Variants in LRGUK observed in about 807,000 individuals in gnomAD.
LRGUK encodes the protein leucine-rich repeat and guanylate kinase domain-containing protein.
In LRGUK, 65 loss-of-function variants were observed where a neutral mutation model predicts 76.0. That is an observed-to-expected ratio of 0.85 (90% CI 0.70 to 1.05). The LOEUF is 1.05. Among genes scored for constraint, LRGUK ranks in the 50% least tolerant of loss-of-function variants. The pLI is 0.00. For missense variants in LRGUK, 758 were observed against 732.8 expected, an observed-to-expected ratio of 1.03 and a Z score of -0.40; for synonymous variants, 268 against 265.6, an observed-to-expected ratio of 1.01 and a Z score of -0.09.
At chr7:134,183,782 T>C (rs1327169343) in exon 11 of LRGUK, 6 of 1,614,096 alleles carry the variant, frequency 3.7e-6, no homozygotes, top group Non-Finnish European at 5.1e-6. Context: ...TACTAGCTGG[T>C]CCTGAAGCTT....
intron 14 of LRGUK, among the ~76,000 whole-genome samples, chr7:134,199,992 A>T (rs28775437): frequency 7.7e-4 from 84 of 109,678 alleles, no homozygotes; most frequent in African/African-American, 2.8e-3. Context: ...TTATATATAT[A>T]TATATATATA....
intron 5 of LRGUK, among the ~76,000 whole-genome samples, chr7:134,149,108 T>TA (rs5887660): frequency 0.24 from 35,796 of 148,610 alleles, 4,906 homozygotes; most frequent in South Asian, 0.34. Flanking sequence ...TTTCTTTTTT[T>TA]AAAAAAAAAA....
At chr7:134,259,959 T>C (rs1362534421) in intron 19 of LRGUK, among the ~76,000 whole-genome samples, 1 of 152,106 alleles carries the variant, frequency 6.6e-6, no homozygotes, top group Non-Finnish European at 1.5e-5. Flanking sequence ...TTAAATGGGA[T>C]GCTTAGGGTC....
intron 16 of LRGUK, among the ~76,000 whole-genome samples, chr7:134,236,365 T>C (rs1802017022): frequency 6.6e-6 from 1 of 152,174 alleles, no homozygotes; most frequent in Non-Finnish European, 1.5e-5. Context: ...TATTTTAAAA[T>C]AAATAATATA....
intron 5 of LRGUK, among the ~76,000 whole-genome samples, chr7:134,150,236 C>A (rs1456534127): frequency 6.6e-6 from 1 of 151,384 alleles, no homozygotes; most frequent in Non-Finnish European, 1.5e-5. Flanking sequence ...GATGGCGCCA[C>A]TGCACTCCAG....
Position 134,197,052 on chromosome 7 carries a change from G to GT in LRGUK, c.1493dup (p.Glu499ArgfsTer28). ...CAAGTATGGATTAAATAGGGACACC[G>GT]TAGAAGGTATCGCAAGAGATGGTTT... On this transcript the variant is annotated frameshift_variant, in exon 13 of 16. Coordinates refer to ENST00000645682, the Ensembl canonical transcript of LRGUK. LOFTEE classifies it high-confidence loss of function. 1 of 1,612,344 alleles carries GT rather than the reference G, an allele frequency of 6.2e-7. No individual in the cohort carries two copies. Among genetic ancestry groups the GT allele is most frequent in the Non-Finnish European group, 8.5e-7 (1 of 1,178,624 alleles).
downstream of LRGUK, among the ~76,000 whole-genome samples, chr7:134,267,365 T>C (rs1038381237): frequency 2.6e-5 from 4 of 152,064 alleles, no homozygotes; most frequent in Non-Finnish European, 5.9e-5. Flanking sequence ...AGCTAAACAA[T>C]GGGTACACAT....
At chr7:134,197,345 G>A (rs1293707616) in intron 13 of LRGUK, among the ~76,000 whole-genome samples, 1 of 152,112 alleles carries the variant, frequency 6.6e-6, no homozygotes, top group Admixed American at 6.5e-5. Flanking sequence ...ACTATGGGGG[G>A]CAAGACACAT....
chr7:134,226,218 A>ATATGTGTG (rs1554474111), intron 16 of LRGUK, among the ~76,000 whole-genome samples: 1 of 141,714 alleles, frequency 7.1e-6, no homozygotes, highest in African/African-American at 2.8e-5. Flanking sequence ...CCCATCTCCA[A>ATATGTGTG]TGTGTGTGTG....
At chr7:134,176,983 T>A in exon 9 of LRGUK, 11 of 1,587,034 alleles carry the variant, frequency 6.9e-6, no homozygotes, top group Non-Finnish European at 8.6e-6. Context: ...ATAGGAAAAG[T>A]CTGAATATTG....
At chr7:134,177,169 AC>A (rs1416076217) in intron 9 of LRGUK, 106 bp downstream of exon 9, 1 of 641,800 alleles carries the variant, frequency 1.6e-6, no homozygotes, top group Non-Finnish European at 2.7e-6. Flanking sequence ...AAGACACATA[AC>A]AATATGTACA....
chr7:134,200,736 G>A (rs1228997965), intron 14 of LRGUK, among the ~76,000 whole-genome samples: 1 of 152,188 alleles, frequency 6.6e-6, no homozygotes, highest in Non-Finnish European at 1.5e-5. Context: ...GTATTACACA[G>A]TTGAATTTGT....
chr7:134,220,414 G>T (rs968043021), intron 15 of LRGUK, among the ~76,000 whole-genome samples: 11 of 152,082 alleles, frequency 7.2e-5, no homozygotes, highest in African/African-American at 2.2e-4. Context: ...AGGAGTTCAA[G>T]TTCAGATTCC....
exon 19 of LRGUK, chr7:134,258,314 A>G: frequency 6.2e-7 from 1 of 1,614,158 alleles, no homozygotes; most frequent in South Asian, 1.1e-5. Context: ...GTCCGTGGTC[A>G]AAAGAATTGC....
the LRGUK span, among the ~76,000 whole-genome samples, chr7:134,276,293 A>G: frequency 6.6e-6 from 1 of 152,250 alleles, no homozygotes; most frequent in Admixed American, 6.5e-5. Context: ...AGGCATGTCT[A>G]ACTATGTAGG....
At chr7:134,200,291 C>T (rs1800713185) in intron 14 of LRGUK, among the ~76,000 whole-genome samples, 1 of 151,774 alleles carries the variant, frequency 6.6e-6, no homozygotes, top group Non-Finnish European at 1.5e-5. Flanking sequence ...CCCTCCTCAG[C>T]CTCCCAAAGT....
intron 18 of LRGUK, among the ~76,000 whole-genome samples, chr7:134,254,745 G>A (rs56128531): frequency 0.018 from 2,742 of 152,254 alleles, 93 homozygotes; most frequent in African/African-American, 0.064. Flanking sequence ...CATATGCAAA[G>A]ATATTCATTA....
At chr7:134,271,595 A>T in the LRGUK span, among the ~76,000 whole-genome samples, 3 of 152,002 alleles carry the variant, frequency 2.0e-5, no homozygotes, top group East Asian at 5.8e-4. Context: ...TTATGTATCA[A>T]ATTCTACAAA....
intron 15 of LRGUK, among the ~76,000 whole-genome samples, chr7:134,218,765 T>C (rs147499189): frequency 1.1e-3 from 165 of 152,348 alleles, no homozygotes; most frequent in African/African-American, 3.7e-3. Flanking sequence ...TTTATGCTTA[T>C]TGTTTTAAAA....
Sources: allele counts gnomAD v4.1 joint callset (sites outside exome capture counted in the v4.1 genomes callset), GRCh38; gene constraint gnomAD v4.1.1; transcripts MANE v1.5; gene names NCBI Gene and HGNC (gene_info 2026-07-23, HGNC 2026-07-21).